NOS3: variants seen among roughly 807,000 people sequenced by gnomAD.
NOS3 encodes the protein nitric oxide synthase 3.
Under a neutral mutation model 144.9 loss-of-function variants are expected in NOS3, and 98 were observed. The observed-to-expected ratio is 0.68, with a 90% CI of 0.57 to 0.80. The LOEUF is 0.80. Ranked by LOEUF, NOS3 falls within the 30% of genes least tolerant of loss-of-function variation. The pLI, the probability that NOS3 is intolerant of heterozygous loss-of-function variation, is 0.00. For missense variants in NOS3, 1,465 were observed against 1,656.4 expected (o/e 0.88, Z 2.01); for synonymous variants, 714 against 702.4 (o/e 1.02, Z -0.26).
intron 21 of NOS3, 21 bp from the exon 22 acceptor site, chr7:151,010,576 C>T (rs985990295): frequency 1.9e-6 from 3 of 1,544,740 alleles, no homozygotes; most frequent in African/African-American, 2.7e-5. Context: ...GCCTCCAACC[C>T]ACTGCATCCT....
At chr7:151,010,329 G>T in intron 21 of NOS3, 42 bp downstream of exon 21, 2 of 1,565,456 alleles carry the variant, frequency 1.3e-6, no homozygotes, top group Non-Finnish European at 1.7e-6. Flanking sequence ...TAGAGAGACG[G>T]GATGAGCTGG....
intron 14 of NOS3, among the ~76,000 whole-genome samples, chr7:151,005,077 T>C (rs956328233): frequency 2.0e-5 from 3 of 152,024 alleles, no homozygotes; most frequent in African/African-American, 7.2e-5. Flanking sequence ...AGGCTGGTCT[T>C]GAATCCCTGA....
Position 151,002,402 on chromosome 7 carries a change from A to T in NOS3, c.1752+98A>T, listed in dbSNP as rs1795128474. ...CTGCCCAACACACACACACACACAC[A>T]CACACACACACACACACACACACAC... On this transcript the variant is annotated intron_variant, in intron 14 of 26. Transcript: ENST00000297494. This position sits in a 1 kb window ranked among gnomAD's most constrained non-coding sequence, Gnocchi z 4.1. 2 of 384,724 alleles carry T rather than the reference A, an allele frequency of 5.2e-6. No individual in the cohort carries two copies. Among genetic ancestry groups the T allele is most frequent in the Non-Finnish European group, 4.4e-6 (1 of 224,896 alleles). The allele number at this position is 384,724 out of a possible 1,614,324, so 23.8% of individuals were successfully genotyped here. A position where few individuals can be genotyped will look rare whatever the true frequency, so the allele number is the denominator to read the frequency against.
rs1332019713 is a variant in NOS3 at position 151,009,532 on chromosome 7, C to T, written c.2459C>T (p.Pro820Leu). 47 of 1,545,336 alleles carry T rather than the reference C, an allele frequency of 3.0e-5. No homozygotes were observed. Among genetic ancestry groups the T allele is most frequent in the Non-Finnish European group, 4.0e-5 (46 of 1,145,868 alleles). The change falls in exon 20 of 27, where the codon CCG becomes CTG. Residue 820 changes from proline to leucine, a missense_variant. By Grantham distance (98) the Pro-to-Leu change is moderately conservative. Transcript: ENST00000297494. ...GCGCTGCTGAGCCGCGTGGAGGACC[C>T]GCCGGCGCCCACTGAGCCCGTGGCA... is the stretch of plus-strand genomic sequence containing the variant. Reference protein sequence around the residue: ...VEALLSRVEDPPAPTEPVAVE... With the variant: ...VEALLSRVEDLPAPTEPVAVE...
chr7:151,014,141 C>G lies in NOS3; in HGVS notation c.3584C>G (p.Pro1195Arg). 1 of 1,610,072 alleles carries G rather than the reference C, an allele frequency of 6.2e-7. No individual in the cohort carries two copies. ...LRGAVPWAFD[P>R]PGSDTNSP ...GGCGCAGTGCCCTGGGCGTTCGACC[C>G]TCCCGGCTCAGACACCAACAGCCCC... The change falls in exon 27 of 27, where the codon CCT becomes CGT. Residue 1195 changes from proline to arginine, a missense_variant. Physicochemically the swap from Pro to Arg is moderately radical, Grantham distance 103. Transcript: ENST00000297494.
rs1795253667 is a variant in NOS3 at position 151,009,239 on chromosome 7, G to A, written c.2296G>A (p.Val766Met). 4 of 1,613,684 alleles carry A rather than the reference G, an allele frequency of 2.5e-6. No individual in the cohort carries two copies. Among genetic ancestry groups the A allele is most frequent in the South Asian group, 2.2e-5 (2 of 91,080 alleles). ...GATGTTCCAGGCTACAATCCGCTCAGTGGAAAACCTGCAAAGCAGCAAGTC... is the reference window on the plus strand; with the variant it reads ...GATGTTCCAGGCTACAATCCGCTCAATGGAAAACCTGCAAAGCAGCAAGTC... ...RKMFQATIRS[V>M]ENLQSSKSTR... is the part of the protein sequence containing the mutation. Residue 766 changes from valine (V) to methionine (M), a missense_variant, in exon 19 of 27, where the codon GTG becomes ATG. Val to Met is a conservative substitution (Grantham distance 21). Around this residue, in one of 5 missense-constraint regions of NOS3, gnomAD observed 745 missense variants for 853.9 expected, o/e 0.87. Transcript: ENST00000297494.
intron 17 of NOS3, among the ~76,000 whole-genome samples, chr7:151,008,406 A>C (rs1386824760): frequency 1.3e-5 from 2 of 152,074 alleles, no homozygotes; most frequent in Non-Finnish European, 2.9e-5. Context: ...CGGGATCCAC[A>C]CCCTCCCAGG....
Position 151,006,949 on chromosome 7 carries a change from G to T in NOS3, c.1881G>T (p.Arg627=), listed in dbSNP as rs1437840031. The change falls in exon 16 of 27, where the codon CGG becomes CGT. Residue 627 remains arginine, a synonymous_variant. Transcript: ENST00000297494. ...CAGACCCACTGGTGTCCTCTTGGCG[G>T]CGGAAGAGGAAGGAGTCCAGTAACA... The part of the protein sequence containing the change: ...SCSDPLVSSW[R]RKRKESSNTD... 2 of 1,614,002 alleles carry T rather than the reference G, an allele frequency of 1.2e-6. No homozygotes were observed. The highest frequency in any genetic ancestry group is 2.7e-5 in the African/African-American group (2 of 74,932).
In NOS3 at chr7:151,014,313, T is replaced by C; in HGVS notation, c.*144T>C. On this transcript the variant is annotated 3_prime_UTR_variant, in exon 27 of 27. Transcript: ENST00000297494. ...GGCTGCAAGGATTCAGCATTATTCC[T>C]CCAGGAAGGAGCAAAACGCCTCTTT... 1.1e-6 allele frequency: 1 copy of C among 913,150 alleles called. No individual in the cohort carries two copies. Among genetic ancestry groups the C allele is most frequent in the East Asian group, 2.7e-5 (1 of 37,240 alleles). The allele number at this position is 913,150 out of a possible 1,614,324, so 56.6% of individuals were successfully genotyped here. A position where few individuals can be genotyped will look rare whatever the true frequency, so the allele number is the denominator to read the frequency against.
At position 151,010,939 on chromosome 7, in the gene NOS3, G is replaced by A. The variant is rs759964507; in HGVS notation, c.2937G>A (p.Trp979Ter). 6.2e-7 allele frequency: 1 copy of A among 1,613,982 alleles called. No homozygotes were observed. Among genetic ancestry groups the A allele is most frequent in the South Asian group, 1.1e-5 (1 of 91,028 alleles). The change falls in exon 23 of 27, where the codon TGG (tryptophan) becomes TGA (stop). Residue 979 changes from tryptophan to a stop codon, truncating the protein, a stop_gained. Coordinates refer to ENST00000297494, the MANE Select transcript of NOS3 (RefSeq NM_000603.5). LOFTEE classifies it high-confidence loss of function. ...GPLHYGVCST[W>*]LSQLKPGDPV... ...TGCACTATGGAGTCTGCTCCACGTG[G>A]CTAAGCCAGCTCAAGCCCGGAGACC...
At position 150,995,124 on chromosome 7, in the gene NOS3, CAG is replaced by C. The variant is rs1376775147; in HGVS notation, c.159-78_159-77del. 3.0e-5 allele frequency: 23 copies of C among 758,888 alleles called. 1 individual carries two copies. In the East Asian group the frequency reaches 5.2e-4, roughly 17 times the overall value. The allele number at this position is 758,888 out of a possible 1,614,324, so 47.0% of individuals were successfully genotyped here. On this transcript the variant is annotated intron_variant, in intron 2 of 26. Coordinates refer to ENST00000297494, the MANE Select transcript of NOS3 (RefSeq NM_000603.5). ...GGCTGTGAGATCGCCAGTGCTGTAA[CAG>C]GGGCCTCCGGGTGACATCTGGGAAG...
At position 151,001,854 on chromosome 7, in the gene NOS3, G is replaced by A. The variant is rs1157618588; in HGVS notation, c.1536G>A (p.Thr512=). Residue 512 remains threonine (T), a synonymous_variant, in exon 13 of 27, where the codon ACG becomes ACA. Coordinates refer to ENST00000297494, the MANE Select transcript of NOS3 (RefSeq NM_000603.5). ...AGATCTCCGCCTCGCTCATGGGCACGGTGATGGCGAAGCGAGTGAAGGCGA... is the reference window on the plus strand; with the variant it reads ...AGATCTCCGCCTCGCTCATGGGCACAGTGATGGCGAAGCGAGTGAAGGCGA... ...AVKISASLMG[T]VMAKRVKATI... 2.9e-5 allele frequency: 46 copies of A among 1,613,456 alleles called. No homozygotes were observed. The highest frequency in any genetic ancestry group is 6.7e-5 in the East Asian group (3 of 44,876).
rs1407747523 is a variant in NOS3 at position 150,996,943 on chromosome 7, C to T, written c.582+18C>T. 2 of 1,549,034 alleles carry T rather than the reference C, an allele frequency of 1.3e-6. No individual in the cohort carries two copies. The highest frequency in any genetic ancestry group is 8.7e-7 in the Non-Finnish European group (1 of 1,147,208). On this transcript the variant is annotated intron_variant, in intron 5 of 26. Transcript: ENST00000297494. ...AGCTGCAGGTGCGGCTGGCCAGCGA[C>T]TGAGAGACCCGGGCGCTACCAAAAG...
At chr7:151,011,949 C>T in intron 23 of NOS3, 1 of 307,768 alleles carries the variant, frequency 3.2e-6, no homozygotes, top group Non-Finnish European at 6.5e-6. Context: ...ATCAGCTGGG[C>T]CTGGTGATTC....
chr7:151,005,081 T>C (rs1454175505), intron 14 of NOS3, among the ~76,000 whole-genome samples: 1 of 151,990 alleles, frequency 6.6e-6, no homozygotes, highest in Non-Finnish European at 1.5e-5. Context: ...TGGTCTTGAA[T>C]CCCTGACCTC....
chr7:150,991,448 A>T (rs1802253960), intron 1 of NOS3, 148 bp downstream of exon 1: 1 of 152,912 alleles, frequency 6.5e-6, no homozygotes, highest in South Asian at 2.1e-4. Context: ...GCAGGGAAGC[A>T]CAGGACCATT....
At chr7:151,013,440 C>G in intron 25 of NOS3, 61 bp downstream of exon 25, 11 of 1,549,816 alleles carry the variant, frequency 7.1e-6, no homozygotes, top group Non-Finnish European at 8.7e-6. Context: ...AGGACTCGCG[C>G]TCTCCAGCGG....
At chr7:151,007,058 C>A (rs372459358) in intron 16 of NOS3, 44 bp from the exon 17 acceptor site, 2 of 1,613,932 alleles carry the variant, frequency 1.2e-6, no homozygotes, top group Non-Finnish European at 1.7e-6. Context: ...CCTGGGCAAA[C>A]GTGGCCTGCA....
chr7:151,012,216 TTG>T, intron 23 of NOS3, 133 bp from the exon 24 acceptor site: 4 of 706,480 alleles, frequency 5.7e-6, no homozygotes, highest in South Asian at 2.4e-5. Flanking sequence ...GAGTTGTTTT[TTG>T]TTTTTTGTTT....
Sources: gnomAD v4.1 joint callset for allele counts (sites outside exome capture counted in the v4.1 genomes callset) on GRCh38, gnomAD v4.1.1 for gene constraint, gnomAD v4.1.1 regional missense constraint, Gnocchi (gnomAD v3.1) non-coding constraint, MANE v1.5 for transcripts, NCBI Gene and HGNC (gene_info 2026-07-23, HGNC 2026-07-21) for gene names.